MYH7B: variants seen among roughly 807,000 people sequenced by gnomAD.
MYH7B encodes myosin-7B.
MYH7B carries 205 observed loss-of-function variants against 234.5 expected under a neutral mutation model. That is an observed-to-expected ratio of 0.87 (90% CI 0.78 to 0.98). The LOEUF (loss-of-function observed/expected upper bound fraction) is 0.98. MYH7B is among the 50% of genes least tolerant of loss of function. The pLI, the probability that MYH7B is intolerant of heterozygous loss-of-function variation, is 0.00. For synonymous variants in MYH7B, 1,193 were observed against 1,105.0 expected, an observed-to-expected ratio of 1.08 and a Z score of -1.58; for missense variants, 2,652 against 2,633.4, an observed-to-expected ratio of 1.01 and a Z score of -0.15.
At chr20:34,995,095 C>T (rs1393116255) in intron 27 of MYH7B, among the ~76,000 whole-genome samples, 1 of 152,270 alleles carries the variant, frequency 6.6e-6, no homozygotes, top group Non-Finnish European at 1.5e-5. Context: ...CTCTCAGAAC[C>T]CTTGTTTGGG....
chr20:34,959,766 C>CG (rs1228318038), intron 2 of MYH7B, among the ~76,000 whole-genome samples: 2 of 152,148 alleles, frequency 1.3e-5, no homozygotes, highest in Non-Finnish European at 2.9e-5. Flanking sequence ...TGTGAGCCAC[C>CG]GCGCCTGGCT....
At chr20:34,955,870 C>T (rs1351367363) in exon 1 of MYH7B, 1 of 152,390 alleles carries the variant, frequency 6.6e-6, no homozygotes, top group Admixed American at 6.5e-5. Context: ...AGACCCATAC[C>T]TTTGGCGCTG....
intron 16 of MYH7B, 129 bp downstream of exon 16, chr20:34,987,416 C>G: frequency 7.0e-7 from 1 of 1,433,814 alleles, no homozygotes; most frequent in South Asian, 1.3e-5. Flanking sequence ...AGCTCCAAAC[C>G]CTTACCCTCC....
chr20:34,983,331 T>C (rs1246626284), intron 10 of MYH7B, among the ~76,000 whole-genome samples: 1 of 148,502 alleles, frequency 6.7e-6, no homozygotes, highest in African/African-American at 2.5e-5. Flanking sequence ...TTTTCCTTTT[T>C]ACCCATTTGA....
intron 24 of MYH7B, among the ~76,000 whole-genome samples, chr20:34,991,398 G>A (rs1346841242): frequency 1.3e-5 from 2 of 152,200 alleles, no homozygotes; most frequent in South Asian, 2.1e-4. Context: ...AAAGACGAAT[G>A]ATTTCTAGTT....
exon 45 of MYH7B, chr20:35,002,416 T>TAA (rs1181283657): frequency 4.7e-6 from 2 of 421,596 alleles, no homozygotes; most frequent in Non-Finnish European, 4.1e-6. Context: ...ATTTTTAAAA[T>TAA]AAAGTTATTT....
At chr20:34,957,170 A>T (rs35552264) in intron 1 of MYH7B, among the ~76,000 whole-genome samples, 12,284 of 152,246 alleles carry the variant, frequency 0.081, 576 homozygotes, top group South Asian at 0.13. Context: ...TTGCAACAGG[A>T]CTTAGGCGCT....
intron 2 of MYH7B, among the ~76,000 whole-genome samples, chr20:34,971,627 C>T (rs2081794752): frequency 6.6e-6 from 1 of 152,160 alleles, no homozygotes; most frequent in African/African-American, 2.4e-5. Context: ...CTTTCTGGGC[C>T]TCACCACCTT....
chr20:35,000,989 CGGCCATGAT>C, exon 41 of MYH7B: 1 of 1,613,658 alleles, frequency 6.2e-7, no homozygotes, highest in Non-Finnish European at 8.5e-7. Context: ...CCCCAACAGG[CGGCCATGAT>C]GGCCGAGGAG....
intron 3 of MYH7B, among the ~76,000 whole-genome samples, chr20:34,975,967 C>T (rs1184999193): frequency 1.5e-4 from 23 of 151,800 alleles, no homozygotes; most frequent in African/African-American, 3.1e-4. Context: ...CCGCCCTCCT[C>T]GGCCTCCCAA....
At chr20:34,957,484 CTTTTTTT>C (rs71196770) in intron 1 of MYH7B, among the ~76,000 whole-genome samples, 4 of 104,334 alleles carry the variant, frequency 3.8e-5, no homozygotes, top group Non-Finnish European at 7.6e-5. Flanking sequence ...CCTTTTGACT[CTTTTTTT>C]TTTTTTTTTT....
rs375532662 is a variant in MYH7B, at chr20:35,000,831, G to A, written c.5242G>A (p.Val1748Met). The A allele has an allele frequency of 6.9e-5, 111 of 1,613,872 alleles. No individual in the cohort carries two copies. Among genetic ancestry groups the A allele is most frequent in the Non-Finnish European group, 8.6e-5 (102 of 1,179,956 alleles). ...GGACTTGGCCCAGCTGAGCGGGGAGGTGGAGGAGGCTGCACAGGAGAGGCG... is the reference window on the plus strand; with the variant it reads ...GGACTTGGCCCAGCTGAGCGGGGAGATGGAGGAGGCTGCACAGGAGAGGCG... Residue 1748 changes from valine to methionine, a missense_variant, in exon 40 of 45, where the codon GTG becomes ATG. Val to Met is a conservative substitution (Grantham distance 21, BLOSUM62 1). This residue lies in a region of MYH7B where 2,279 missense variants were observed against 2,211.4 expected (regional missense o/e 1.03). Transcript: ENST00000262873.
intron 7 of MYH7B, 115 bp downstream of exon 7, chr20:34,979,919 G>A (rs1264034217): frequency 3.3e-6 from 4 of 1,229,978 alleles, no homozygotes; most frequent in Non-Finnish European, 4.5e-6. Flanking sequence ...GCGGTGGATC[G>A]GGGCTGTGAA....
At chr20:34,994,235 C>T in exon 27 of MYH7B, 6 of 1,613,198 alleles carry the variant, frequency 3.7e-6, no homozygotes, top group South Asian at 1.1e-5. Context: ...AAGATGAAGC[C>T]GCTGCTGCGC....
chr20:34,982,718 G>A (rs1002118359), intron 10 of MYH7B, among the ~76,000 whole-genome samples, 163 bp downstream of exon 10: 8 of 152,090 alleles, frequency 5.3e-5, no homozygotes, highest in Non-Finnish European at 1.5e-5. Context: ...GCCTGAGCAA[G>A]GCTTGACCAC....
exon 44 of MYH7B, chr20:35,001,996 G>C (rs373110411): frequency 6.2e-7 from 1 of 1,614,034 alleles, no homozygotes; most frequent in Non-Finnish European, 8.5e-7. Flanking sequence ...GGCCCAGCAC[G>C]AGCTGGATGA....
chr20:34,998,845 G>A lies in MYH7B; in HGVS notation c.4120G>A (p.Glu1374Lys), dbSNP rs576445239. The A allele has an allele frequency of 6.2e-6, 10 of 1,613,258 alleles. No homozygotes were observed. In the Admixed American group the frequency reaches 6.7e-5, roughly 11 times the overall value. The change falls in exon 35 of 45, where the codon GAG becomes AAG. Residue 1374 changes from glutamate to lysine, a missense_variant. Physicochemically the swap from Glu to Lys is moderately conservative, Grantham distance 56 (BLOSUM62 1). Around this residue, in one of 3 missense-constraint regions of MYH7B, gnomAD observed 2,279 missense variants for 2,211.4 expected, o/e 1.03. Coordinates refer to ENST00000262873, the Ensembl canonical transcript of MYH7B. ...GCGGCTGCTGTCCAAGGCCAATGCC[G>A]AGGTGGCCCAGTGGAGGAGCAAGTA...
At chr20:34,958,913 C>T (rs187578141) in intron 2 of MYH7B, among the ~76,000 whole-genome samples, 137 of 152,288 alleles carry the variant, frequency 9.0e-4, no homozygotes, top group South Asian at 2.9e-3. Flanking sequence ...GTGCCTGCCA[C>T]GTGGCAGATG....
exon 3 of MYH7B, chr20:34,975,462 G>A (rs1257613766): frequency 8.5e-6 from 6 of 707,628 alleles, no homozygotes; most frequent in Admixed American, 2.0e-5. Context: ...TGATGTGTCC[G>A]CCTGGGCCTC....
Sources: allele counts gnomAD v4.1 joint callset (sites outside exome capture counted in the v4.1 genomes callset), GRCh38; gene constraint gnomAD v4.1.1; regional missense constraint gnomAD v4.1.1; transcripts MANE v1.5; gene names NCBI Gene and HGNC (gene_info 2026-07-23, HGNC 2026-07-21).